Variants in ZNF177 observed in about 807,000 individuals in gnomAD.
ZNF177 encodes the protein zinc finger protein 177.
In ZNF177, 17 loss-of-function variants were observed where a neutral mutation model predicts 19.4. The observed-to-expected ratio is 0.87, with a 90% CI of 0.60 to 1.31. The LOEUF is 1.31. Ranked by LOEUF, ZNF177 falls within the 40% of genes most tolerant of loss-of-function variation. The pLI is 0.00. For missense variants in ZNF177, 633 were observed against 561.8 expected (o/e 1.13, Z -1.28); for synonymous variants, 220 against 188.7 (o/e 1.17, Z -1.36).
chr19:9,373,267 T>C (rs1213334086), upstream of ZNF177, among the ~76,000 whole-genome samples: 5 of 152,226 alleles, frequency 3.3e-5, no homozygotes, highest in Admixed American at 3.3e-4. Context: ...TTACTTAGCA[T>C]GATGTTCTCC....
chr19:9,377,369 T>C (rs1411559995), intron 1 of ZNF177, among the ~76,000 whole-genome samples: 1 of 152,144 alleles, frequency 6.6e-6, no homozygotes, highest in Non-Finnish European at 1.5e-5. Context: ...TCCTTCTACT[T>C]ACTAAAAAAG....
chr19:9,380,842 A>G (rs1914251966), exon 6 of ZNF177: 3 of 1,536,032 alleles, frequency 2.0e-6, no homozygotes, highest in East Asian at 2.4e-5. Flanking sequence ...GAGCATTCAC[A>G]TTGGAGAGAA....
chr19:9,369,203 T>C lies in ZNF177; in HGVS notation c.-304-2407T>C, dbSNP rs181272951. Among the ~76,000 whole-genome samples the C allele has an allele frequency of 4.0e-3, 612 of 152,242 alleles. 1 individual carries two copies. Among genetic ancestry groups the C allele is most frequent in the African/African-American group, 0.014 (569 of 41,564 alleles). ...TCATTGTGTTGTTCAAATCTTCATA[T>C]CCTTTTTTTCATATGATCTTTCTAT... is the stretch of plus-strand genomic sequence containing the variant. On this transcript the variant is annotated intron_variant, in intron 2 of 8. Transcript: ENST00000343499.
intron 2 of ZNF177, among the ~76,000 whole-genome samples, chr19:9,365,752 G>A (rs2067970321): frequency 6.6e-6 from 1 of 152,104 alleles, no homozygotes; most frequent in Admixed American, 6.5e-5. Flanking sequence ...GAAAAGGAAA[G>A]GAACTGAAAT....
intron 2 of ZNF177, among the ~76,000 whole-genome samples, chr19:9,365,703 G>A (rs2122480423): frequency 6.6e-6 from 1 of 152,134 alleles, no homozygotes; most frequent in East Asian, 1.9e-4. Flanking sequence ...CGGCGCCGGA[G>A]TTTTGGGTCC....
At chr19:9,381,667 C>T in exon 6 of ZNF177, 1 of 1,614,216 alleles carries the variant, frequency 6.2e-7, no homozygotes, top group Non-Finnish European at 8.5e-7. Context: ...CGTGAGAACT[C>T]ACACTGGAGA....
In ZNF177 at chr19:9,381,497, C is replaced by T. The variant is rs552988505; in HGVS notation, c.1166C>T (p.Ser389Phe). 5.0e-6 allele frequency: 8 copies of T among 1,611,920 alleles called. No homozygotes were observed. The East Asian group carries it at 1.3e-4, about 27-fold the overall frequency. Residue 389 changes from serine to phenylalanine, a missense_variant, in exon 6 of 6, where the codon TCT becomes TTT. Ser to Phe is a radical substitution (Grantham distance 155, BLOSUM62 -2). Transcript: ENST00000589262. ...TCATCCCTTAAGAAACACACACGCT[C>T]TCACACTGGAGAGAAGCCTTATGAG... is the stretch of plus-strand genomic sequence containing the variant.
upstream of ZNF177, among the ~76,000 whole-genome samples, chr19:9,374,700 T>C (rs896568388): frequency 1.1e-5 from 1 of 93,124 alleles, no homozygotes; most frequent in African/African-American, 5.2e-5. Flanking sequence ...TTTTTGTATG[T>C]TGATTTTTTT....
At chr19:9,380,191 C>T in intron 5 of ZNF177, 52 bp downstream of exon 7, 1 of 1,549,918 alleles carries the variant, frequency 6.5e-7, no homozygotes, top group Non-Finnish European at 8.7e-7. Context: ...GTCTGGGAAT[C>T]TGAATGAGTT....
chr19:9,380,997 T>C (rs773508886), exon 6 of ZNF177: 1 of 1,568,696 alleles, frequency 6.4e-7, no homozygotes, highest in South Asian at 1.1e-5. Flanking sequence ...GCTCAGTACG[T>C]GAGCAAATAC....
chr19:9,372,656 C>T (rs1003386293), upstream of ZNF177, among the ~76,000 whole-genome samples: 1 of 149,142 alleles, frequency 6.7e-6, no homozygotes, highest in Non-Finnish European at 1.5e-5. Context: ...AAGCAATTCT[C>T]CTGCCTCCCC....
At chr19:9,364,906 G>A (rs1203086896) in exon 2 of ZNF177, 2 of 152,346 alleles carry the variant, frequency 1.3e-5, no homozygotes, top group Non-Finnish European at 2.9e-5. Flanking sequence ...AGAAGAGTCT[G>A]ACGAGCAAGG....
chr19:9,378,301 C>G (rs374416312), exon 2 of ZNF177: 18 of 1,613,642 alleles, frequency 1.1e-5, no homozygotes, highest in Non-Finnish European at 1.5e-5. Flanking sequence ...AGGAAACCTA[C>G]AGGAGGAAGA....
chr19:9,366,025 C>T (rs568544361), intron 2 of ZNF177, among the ~76,000 whole-genome samples: 12 of 152,162 alleles, frequency 7.9e-5, no homozygotes, highest in Non-Finnish European at 1.5e-4. Context: ...CCTCTGTCGC[C>T]AGGCTAGAGT....
upstream of ZNF177, among the ~76,000 whole-genome samples, chr19:9,373,981 T>A (rs1015062858): frequency 4.6e-5 from 7 of 152,084 alleles, no homozygotes; most frequent in South Asian, 4.1e-4. Context: ...AAAAAAAAAA[T>A]TTGTCAAAAT....
At chr19:9,379,648 C>T in intron 4 of ZNF177, 29 bp downstream of exon 6, 1 of 1,609,458 alleles carries the variant, frequency 6.2e-7, no homozygotes, top group Non-Finnish European at 8.5e-7. Context: ...AGGGTGCAGC[C>T]TTGGCCAGTG....
intron 2 of ZNF177, among the ~76,000 whole-genome samples, chr19:9,369,607 C>T (rs1262604622): frequency 6.6e-6 from 1 of 152,112 alleles, no homozygotes; most frequent in Non-Finnish European, 1.5e-5. Context: ...TTGATACAGT[C>T]AGACATTTTT....
chr19:9,372,642 G>A (rs1026092559), upstream of ZNF177, among the ~76,000 whole-genome samples: 4 of 146,658 alleles, frequency 2.7e-5, no homozygotes, highest in Non-Finnish European at 5.9e-5. Context: ...TGCCTCCCAG[G>A]TTCAAGCAAT....
At chr19:9,378,417 C>T (rs932199806) in intron 2 of ZNF177, 73 bp downstream of exon 4, 29 of 1,594,440 alleles carry the variant, frequency 1.8e-5, no homozygotes, top group Non-Finnish European at 2.3e-5. Flanking sequence ...TGCCCCTGAC[C>T]TGAAGCTTCA....
Sources: allele counts gnomAD v4.1 joint callset (sites outside exome capture counted in the v4.1 genomes callset), GRCh38; gene constraint gnomAD v4.1.1; transcripts MANE v1.5; gene names NCBI Gene and HGNC (gene_info 2026-07-23, HGNC 2026-07-21).